Variants in LPAR1 observed in about 807,000 individuals in gnomAD.
The protein encoded by LPAR1 is lysophosphatidic acid receptor 1.
LPAR1 carries 5 observed loss-of-function variants against 23.8 expected under a neutral mutation model. The ratio of observed to expected loss-of-function variants is 0.21; its 90% confidence interval spans 0.11 to 0.44. LPAR1 has a LOEUF of 0.44. Among genes scored for constraint, LPAR1 ranks in the 20% least tolerant of loss-of-function variants. The probability of loss-of-function intolerance (pLI) is 0.99; values close to 1 mark genes in which losing one functional copy is unlikely to be tolerated. For synonymous variants in LPAR1, 160 were observed against 164.7 expected, an observed-to-expected ratio of 0.97 and a Z score of 0.22; for missense variants, 311 against 482.8, an observed-to-expected ratio of 0.64 and a Z score of 3.33.
intron 4 of LPAR1, among the ~76,000 whole-genome samples, chr9:110,951,724 T>C (rs1220730670): frequency 6.6e-6 from 1 of 152,048 alleles, no homozygotes; most frequent in East Asian, 1.9e-4. Flanking sequence ...AACTACTAAC[T>C]ATGAACATGT....
At chr9:110,893,566 T>C (rs2085251932) in intron 5 of LPAR1, among the ~76,000 whole-genome samples, 1 of 152,186 alleles carries the variant, frequency 6.6e-6, no homozygotes, top group Non-Finnish European at 1.5e-5. Context: ...CACCAAATCA[T>C]TGGCAGTAGT....
chr9:110,884,383 T>C (rs1030776394), intron 5 of LPAR1, among the ~76,000 whole-genome samples: 3 of 151,716 alleles, frequency 2.0e-5, no homozygotes, highest in Admixed American at 1.3e-4. Flanking sequence ...AAACACTCCA[T>C]GGTAGAAGTT....
intron 2 of LPAR1, among the ~76,000 whole-genome samples, chr9:111,020,896 G>C (rs559949895): frequency 3.3e-5 from 5 of 152,212 alleles, no homozygotes; most frequent in African/African-American, 1.2e-4. Flanking sequence ...AGAGTTACCT[G>C]GACTTCCTGA....
At chr9:110,970,244 G>A (rs954617952) in intron 4 of LPAR1, among the ~76,000 whole-genome samples, 3 of 152,148 alleles carry the variant, frequency 2.0e-5, no homozygotes, top group Admixed American at 6.6e-5. Flanking sequence ...TAGAAAACCC[G>A]CACTAGCCTA....
At position 110,985,190 on chromosome 9, in the gene LPAR1, T is replaced by C. The variant is rs557283953; in HGVS notation, c.-181-11632A>G. On this transcript the variant is annotated intron_variant, in intron 2 of 5. Coordinates refer to ENST00000683809, the MANE Select transcript of LPAR1 (RefSeq NM_001351411.2). ...TTTGAGAAACCAAATGACTACCTTA[T>C]GTTTTGTTTTAAAATACCATCGCCA... 7.9e-5 allele frequency among the ~76,000 whole-genome samples: 12 copies of C among 152,150 alleles called. No homozygotes were observed. In the South Asian group the frequency reaches 1.9e-3, roughly 24 times the overall value.
At chr9:111,000,484 T>C (rs1023662096) in intron 2 of LPAR1, among the ~76,000 whole-genome samples, 10 of 152,144 alleles carry the variant, frequency 6.6e-5, no homozygotes, top group African/African-American at 1.9e-4. Context: ...AGGATCACCC[T>C]TGTCAATGGT....
intron 5 of LPAR1, among the ~76,000 whole-genome samples, chr9:110,936,623 G>C (rs373541607): frequency 2.6e-5 from 4 of 152,306 alleles, no homozygotes; most frequent in African/African-American, 9.6e-5. Context: ...TACAGAGAAT[G>C]TAAGACATAA....
chr9:110,898,143 G>T (rs1316428737), intron 5 of LPAR1, among the ~76,000 whole-genome samples: 1 of 152,116 alleles, frequency 6.6e-6, no homozygotes, highest in African/African-American at 2.4e-5. Context: ...CTATCCTGAA[G>T]GGTAAAAAGG....
intron 3 of LPAR1, among the ~76,000 whole-genome samples, chr9:110,972,634 C>T (rs1211969761): frequency 1.3e-5 from 2 of 152,054 alleles, no homozygotes; most frequent in African/African-American, 4.8e-5. Context: ...GGATTCTAAG[C>T]CCCCCAGTGG....
intron 4 of LPAR1, among the ~76,000 whole-genome samples, chr9:110,964,853 C>CTTTTTTTTT (rs35426082): frequency 1.5e-5 from 1 of 67,072 alleles, no homozygotes; most frequent in Non-Finnish European, 2.7e-5. Context: ...ACACCAATCA[C>CTTTTTTTTT]TTTTTTTTTT....
intron 2 of LPAR1, among the ~76,000 whole-genome samples, chr9:111,018,981 AC>A (rs1187320047): frequency 6.6e-6 from 1 of 152,234 alleles, no homozygotes; most frequent in African/African-American, 2.4e-5. Context: ...GTGTTAAAAA[AC>A]AATCAGTAGA....
intron 2 of LPAR1, among the ~76,000 whole-genome samples, chr9:110,999,940 T>C (rs1481077404): frequency 2.6e-5 from 4 of 152,126 alleles, no homozygotes; most frequent in Non-Finnish European, 5.9e-5. Context: ...CTCAAACTCC[T>C]GAGCTCAAGC....
chr9:110,983,539 A>C (rs1483762431), intron 2 of LPAR1, among the ~76,000 whole-genome samples: 1 of 152,024 alleles, frequency 6.6e-6, no homozygotes. Context: ...ACGGGGTTTC[A>C]GTTTTACAAG....
chr9:110,948,391 A>C (rs878984035), intron 4 of LPAR1, among the ~76,000 whole-genome samples: 5 of 152,220 alleles, frequency 3.3e-5, no homozygotes, highest in Admixed American at 6.5e-5. Flanking sequence ...AAATCGCTGA[A>C]GAATATGCAA....
intron 5 of LPAR1, among the ~76,000 whole-genome samples, chr9:110,905,346 ATTATT>A (rs2090867449): frequency 7.9e-6 from 1 of 126,562 alleles, no homozygotes; most frequent in Non-Finnish European, 1.6e-5. Flanking sequence ...GCTTTTTTTT[ATTATT>A]TTTTTTTTTT....
intron 5 of LPAR1, among the ~76,000 whole-genome samples, chr9:110,893,552 T>TAC: frequency 6.6e-6 from 1 of 152,322 alleles, no homozygotes; most frequent in African/African-American, 2.4e-5. Context: ...TCTAGAAGGA[T>TAC]ACACACCAAA....
At chr9:110,922,687 A>G (rs2093708518) in intron 5 of LPAR1, among the ~76,000 whole-genome samples, 1 of 151,918 alleles carries the variant, frequency 6.6e-6, no homozygotes, top group Admixed American at 6.6e-5. Context: ...GGGGCACTGT[A>G]AAAAAACTGA....
chr9:110,968,952 T>A (rs2096315733), intron 4 of LPAR1, among the ~76,000 whole-genome samples: 2 of 152,170 alleles, frequency 1.3e-5, no homozygotes, highest in Admixed American at 6.5e-5. Flanking sequence ...AGAGGGTGGA[T>A]ACCTTCCCCT....
At chr9:110,969,317 A>G (rs973166) in intron 4 of LPAR1, among the ~76,000 whole-genome samples, 78,163 of 151,988 alleles carry the variant, frequency 0.51, 21,261 homozygotes, top group Non-Finnish European at 0.61. Flanking sequence ...TAGAATTTTA[A>G]TGGTATCTTC....
Sources: gnomAD v4.1 joint callset for allele counts (sites outside exome capture counted in the v4.1 genomes callset) on GRCh38, gnomAD v4.1.1 for gene constraint, MANE v1.5 for transcripts, NCBI Gene and HGNC (gene_info 2026-07-23, HGNC 2026-07-21) for gene names.